ZNF75A: variants seen among roughly 807,000 people sequenced by gnomAD.
ZNF75A encodes the protein zinc finger protein 75A.
Under a neutral mutation model 46.3 loss-of-function variants are expected in ZNF75A, and 36 were observed. The observed-to-expected ratio is 0.78, with a 90% confidence interval of 0.60 to 1.03. ZNF75A has a LOEUF of 1.03. ZNF75A is among the 50% of genes least tolerant of loss of function. The pLI is 0.00. For missense variants in ZNF75A, 595 were observed against 551.3 expected, an observed-to-expected ratio of 1.08 and a Z score of -0.79; for synonymous variants, 234 against 189.9, an observed-to-expected ratio of 1.23 and a Z score of -1.91.
intron 2 of ZNF75A, 60 bp from the exon 3 acceptor site, chr16:3,311,693 C>T: frequency 3.2e-6 from 3 of 946,832 alleles, no homozygotes; most frequent in South Asian, 8.7e-5. Flanking sequence ...TGTCGCTCTG[C>T]CTCCACCCCC....
At chr16:3,321,536 G>A (rs1177063980), downstream of ZNF75A, among the ~76,000 whole-genome samples, 1 of 152,062 alleles carries the variant, frequency 6.6e-6, no homozygotes, top group African/African-American at 2.4e-5. Context: ...CCAGGCTGGG[G>A]CTCACCACAG....
At chr16:3,312,623 G>C in intron 3 of ZNF75A, 54 bp from the exon 4 acceptor site, 1 of 828,378 alleles carries the variant, frequency 1.2e-6, no homozygotes, top group Admixed American at 5.6e-5. Flanking sequence ...TTAGAAATGA[G>C]CTCAGGATGT....
chr16:3,309,859 C>A (rs1960606075), intron 2 of ZNF75A, among the ~76,000 whole-genome samples: 1 of 150,570 alleles, frequency 6.6e-6, no homozygotes, highest in East Asian at 1.9e-4. Context: ...ATATTTCGAA[C>A]ACTTTAGGGG....
At chr16:3,315,090 C>G in intron 5 of ZNF75A, 4 of 985,264 alleles carry the variant, frequency 4.1e-6, no homozygotes, top group Non-Finnish European at 4.8e-6. Flanking sequence ...TGATCCCTTC[C>G]CTTTCCCTTT....
At chr16:3,305,947 G>C (rs1309462688) in intron 1 of ZNF75A, 1 of 152,264 alleles carries the variant, frequency 6.6e-6, no homozygotes, top group Admixed American at 6.5e-5. Flanking sequence ...AGTGCCTGCA[G>C]CTGCGCCCGC....
chr16:3,319,796 T>TA (rs1555466188), downstream of ZNF75A, among the ~76,000 whole-genome samples: 320 of 117,192 alleles, frequency 2.7e-3, 5 homozygotes, highest in South Asian at 0.049. Flanking sequence ...TTTTTTTTTT[T>TA]ATTTTTTTTT....
rs1210901339 is a variant in ZNF75A at position 3,313,125 on chromosome 16, C to A, written c.773C>A (p.Ala258Asp). 1 of 1,613,910 alleles carries A rather than the reference C, an allele frequency of 6.2e-7. No homozygotes were observed. The highest frequency in any genetic ancestry group is 1.7e-5 in the Admixed American group (1 of 59,984). ...GAGTTATTGGATCCCACTCAGAAGG[C>A]CCTCTACAATGATGTAATGCAGGAA... is the stretch of plus-strand genomic sequence containing the variant. ...EWELLDPTQK[A>D]LYNDVMQENY... Residue 258 changes from alanine (A) to aspartate (D), a missense_variant, in exon 5 of 7, where the codon GCC becomes GAC. Transcript: ENST00000669516.
In ZNF75A at chr16:3,318,097, T is replaced by A; in HGVS notation, c.*228T>A. On this transcript the variant is annotated 3_prime_UTR_variant, in exon 7 of 7. Coordinates refer to ENST00000669516, the MANE Select transcript of ZNF75A (RefSeq NM_001302109.2). The stretch of plus-strand genomic sequence containing the variant: ...CTTTGTATTGATCTCTCCAGTCATT[T>A]TTGAACACATCCAATAGAAACATTG... 7.7e-7 allele frequency: 1 copy of A among 1,290,580 alleles called. No individual in the cohort carries two copies. The highest frequency in any genetic ancestry group is 9.8e-7 in the Non-Finnish European group (1 of 1,022,152). The allele number at this position is 1,290,580 out of a possible 1,614,324, so 79.9% of individuals were successfully genotyped here. A position where few individuals can be genotyped will look rare whatever the true frequency, so the allele number is the denominator to read the frequency against.
chr16:3,315,391 T>C (rs1457055913), intron 5 of ZNF75A, among the ~76,000 whole-genome samples: 11 of 151,950 alleles, frequency 7.2e-5, no homozygotes, highest in Non-Finnish European at 4.4e-5. Flanking sequence ...GAGATAGGGT[T>C]TCATCATGTT....
rs1046505604 is a variant in ZNF75A at position 3,318,432 on chromosome 16, C to T, written c.*563C>T. 3.0e-6 allele frequency: 3 copies of T among 985,746 alleles called. No homozygotes were observed. In the African/African-American group the frequency reaches 5.2e-5, roughly 17 times the overall value. 61.1% of individuals were successfully genotyped at this position (985,746 alleles called of 1,614,324 possible). On this transcript the variant is annotated 3_prime_UTR_variant, in exon 7 of 7. Coordinates refer to ENST00000669516, the MANE Select transcript of ZNF75A (RefSeq NM_001302109.2). ...AATCTCCAGATGAACTATTAATGCACTGTCTTATGCCTCTCATTGGTGATG... is the reference window on the plus strand; with the variant it reads ...AATCTCCAGATGAACTATTAATGCATTGTCTTATGCCTCTCATTGGTGATG...
In ZNF75A at chr16:3,311,198, G is replaced by A. The variant is rs540547106; in HGVS notation, c.409-555G>A. ...CACACCTATAATCCCAGCACTTTGG[G>A]AGGCTGAGGTGGGCAGATTACCTGA... On this transcript the variant is annotated intron_variant, in intron 2 of 6. Coordinates refer to ENST00000669516, the MANE Select transcript of ZNF75A (RefSeq NM_001302109.2). Among the ~76,000 whole-genome samples the A allele has an allele frequency of 4.5e-4, 68 of 151,022 alleles. No homozygotes were observed. In the South Asian group the frequency reaches 4.6e-3, roughly 10 times the overall value.
rs569936353 is a variant in ZNF75A at position 3,318,094 on chromosome 16, A to G, written c.*225A>G. On this transcript the variant is annotated 3_prime_UTR_variant, in exon 7 of 7. Coordinates refer to ENST00000669516, the MANE Select transcript of ZNF75A (RefSeq NM_001302109.2). Reference sequence around the variant, plus strand: ...TGGCTTTGTATTGATCTCTCCAGTCATTTTTGAACACATCCAATAGAAACA... The same window carrying G: ...TGGCTTTGTATTGATCTCTCCAGTCGTTTTTGAACACATCCAATAGAAACA... 6.7e-5 allele frequency: 87 copies of G among 1,294,632 alleles called. No individual in the cohort carries two copies. The South Asian group carries it at 1.7e-3, about 25-fold the overall frequency. The allele number at this position is 1,294,632 out of a possible 1,614,324, so 80.2% of individuals were successfully genotyped here.
chr16:3,312,969 C>T (rs2150815314), intron 4 of ZNF75A, 80 bp from the exon 5 acceptor site: 1 of 1,491,486 alleles, frequency 6.7e-7, no homozygotes, highest in Non-Finnish European at 8.9e-7. Flanking sequence ...TCCTTTATCG[C>T]CTGGCCAATT....
intron 5 of ZNF75A, chr16:3,314,607 C>T (rs924169608): frequency 2.1e-6 from 2 of 942,542 alleles, no homozygotes; most frequent in African/African-American, 1.8e-5. Context: ...CTGCCTTCGC[C>T]CCCGTGGGCC....
At chr16:3,323,423 G>A, downstream of ZNF75A, 1 of 761,930 alleles carries the variant, frequency 1.3e-6, no homozygotes, top group Non-Finnish European at 2.4e-6. Context: ...TGTGTTGTCT[G>A]TCAGAGGGAT....
intron 1 of ZNF75A, chr16:3,307,672 C>T (rs949526470): frequency 6.7e-6 from 1 of 149,164 alleles, no homozygotes; most frequent in African/African-American, 2.6e-5. Context: ...GCTCTACCAT[C>T]CTGGCTATTT....
In ZNF75A at chr16:3,310,774, C is replaced by T. The variant is rs1960709246; in HGVS notation, c.409-979C>T. 3 of 985,266 alleles carry T rather than the reference C, an allele frequency of 3.0e-6. No individual in the cohort carries two copies. In the Admixed American group the frequency reaches 1.8e-4, roughly 61 times the overall value. The allele number at this position is 985,266 out of a possible 1,614,324, so 61.0% of individuals were successfully genotyped here. On this transcript the variant is annotated intron_variant, in intron 2 of 6. Coordinates refer to ENST00000669516, the MANE Select transcript of ZNF75A (RefSeq NM_001302109.2). Reference sequence around the variant, plus strand: ...GAAATGCACTGATGGGTAATGTCCTCCCTATAGTAGATGAAAGTCTCTACT... The same window carrying T: ...GAAATGCACTGATGGGTAATGTCCTTCCTATAGTAGATGAAAGTCTCTACT...
intron 6 of ZNF75A, 62 bp from the exon 7 acceptor site, chr16:3,317,128 T>G (rs1193813409): frequency 6.5e-7 from 1 of 1,548,174 alleles, no homozygotes; most frequent in Non-Finnish European, 8.7e-7. Context: ...TGAATTTTTC[T>G]TTTTATTCCT....
At chr16:3,313,388 T>C (rs887789207) in intron 5 of ZNF75A, among the ~76,000 whole-genome samples, 5 of 152,222 alleles carry the variant, frequency 3.3e-5, no homozygotes, top group African/African-American at 7.2e-5. Context: ...TCCTTTATCC[T>C]TTCCTTCTCT....
Sources: gnomAD v4.1 joint callset for allele counts (sites outside exome capture counted in the v4.1 genomes callset) on GRCh38, gnomAD v4.1.1 for gene constraint, MANE v1.5 for transcripts, NCBI Gene and HGNC (gene_info 2026-07-23, HGNC 2026-07-21) for gene names.